Variants in TAF4 observed in about 807,000 individuals in gnomAD.
TAF4 encodes the protein transcription initiation factor TFIID subunit 4.
In TAF4, 9 loss-of-function variants were observed where a neutral mutation model predicts 90.3. The observed-to-expected ratio is 0.10, with a 90% CI of 0.06 to 0.17. The LOEUF (loss-of-function observed/expected upper bound fraction) is 0.17. Ranked by LOEUF, TAF4 falls within the 10% of genes least tolerant of loss-of-function variation. The probability of loss-of-function intolerance (pLI) is 1.00; values close to 1 mark genes in which losing one functional copy is unlikely to be tolerated. For synonymous variants in TAF4, 818 were observed against 638.9 expected, an observed-to-expected ratio of 1.28 and a Z score of -4.23; for missense variants, 1,351 against 1,370.7, an observed-to-expected ratio of 0.99 and a Z score of 0.23.
At chr20:62,021,993 G>A (rs564463628) in intron 1 of TAF4, among the ~76,000 whole-genome samples, 16 of 152,246 alleles carry the variant, frequency 1.1e-4, no homozygotes, top group South Asian at 4.1e-4. Context: ...AGCGGCCAGC[G>A]GCGGACAGCA....
At chr20:62,041,164 G>T (rs924627206) in intron 1 of TAF4, among the ~76,000 whole-genome samples, 1 of 152,216 alleles carries the variant, frequency 6.6e-6, no homozygotes, top group Non-Finnish European at 1.5e-5. Context: ...TTCCCGTCCA[G>T]GGCTGTGGGC....
At position 61,976,150 on chromosome 20, in the gene TAF4, C is replaced by A. The variant is rs747521909; in HGVS notation, c.*18G>T. The A allele has an allele frequency of 4.3e-6, 7 of 1,611,778 alleles. No homozygotes were observed. In the African/African-American group the frequency reaches 9.3e-5, roughly 22 times the overall value. On this transcript the variant is annotated 3_prime_UTR_variant, in exon 15 of 15. Coordinates refer to ENST00000252996, the MANE Select transcript of TAF4 (RefSeq NM_003185.4). ...GTAATCTGCAAATATATAAAAAGTCCCCAGGCGTCCTCCTGTGTCACTTAA... is the reference window on the plus strand; with the variant it reads ...GTAATCTGCAAATATATAAAAAGTCACCAGGCGTCCTCCTGTGTCACTTAA...
chr20:62,064,853 C>G lies in TAF4; in HGVS notation c.958G>C (p.Gly320Arg), dbSNP rs560652437. The change falls in exon 1 of 15, where the codon GGG (glycine) becomes CGG (arginine). Residue 320 changes from glycine (G) to arginine (R), a missense_variant. Transcript: ENST00000252996. ...TGGCCGCTGACCCCCGCGGGGCCCCCGGCGGCCGGGGCGGGGGCGGGGGCT... is the reference window on the plus strand; with the variant it reads ...TGGCCGCTGACCCCCGCGGGGCCCCGGGCGGCCGGGGCGGGGGCGGGGGCT... ...GAAPAPAPAAGGPAGVSGQPG... is the reference protein window; with the variant it reads ...GAAPAPAPAARGPAGVSGQPG... 3 of 954,928 alleles carry G rather than the reference C, an allele frequency of 3.1e-6. No homozygotes were observed. Among genetic ancestry groups the G allele is most frequent in the African/African-American group, 1.8e-5 (1 of 54,232 alleles). 59.2% of individuals were successfully genotyped at this position (954,928 alleles called of 1,614,324 possible).
chr20:62,048,357 A>G (rs924515814), intron 1 of TAF4, among the ~76,000 whole-genome samples: 1 of 152,158 alleles, frequency 6.6e-6, no homozygotes, highest in African/African-American at 2.4e-5. Flanking sequence ...TCAGCTGGGC[A>G]TCCCGAGTGC....
intron 14 of TAF4, among the ~76,000 whole-genome samples, chr20:61,984,582 G>A (rs2055571187): frequency 6.6e-6 from 1 of 152,166 alleles, no homozygotes; most frequent in Non-Finnish European, 1.5e-5. Context: ...GTGACACGAG[G>A]GCAGTGCCCG....
rs11696289 is a variant in TAF4 at position 61,984,604 on chromosome 20, C to T, written c.3091-8269G>A. On this transcript the variant is annotated intron_variant, in intron 14 of 14. Transcript: ENST00000252996. ...GAGGGCAGTGCCCGGGACATCAGCACGATGAAGTGCCACCCAGCTGGGAAA... is the reference window on the plus strand; with the variant it reads ...GAGGGCAGTGCCCGGGACATCAGCATGATGAAGTGCCACCCAGCTGGGAAA... Among the ~76,000 whole-genome samples the T allele has an allele frequency of 9.1e-5, 4 of 44,048 alleles. No individual in the cohort carries two copies. The South Asian group carries it at 2.5e-3, about 27-fold the overall frequency. 28.9% of individuals were successfully genotyped at this position (44,048 alleles called of 152,430 possible).
chr20:62,056,965 C>G (rs2056068171), intron 1 of TAF4, among the ~76,000 whole-genome samples: 1 of 152,206 alleles, frequency 6.6e-6, no homozygotes, highest in Non-Finnish European at 1.5e-5. Context: ...TGCAAAGCTC[C>G]AAAGCAAGGC....
At position 62,010,298 on chromosome 20, in the gene TAF4, C is replaced by T. The variant is rs529203069; in HGVS notation, c.1642-133G>A. 48 of 1,339,554 alleles carry T rather than the reference C, an allele frequency of 3.6e-5. No individual in the cohort carries two copies. The East Asian group carries it at 6.8e-4, about 19-fold the overall frequency. 83.0% of individuals were successfully genotyped at this position (1,339,554 alleles called of 1,614,324 possible). ...AGGACGCCCAGGAAGCCAAGGACCCCGGCCACCTGCCAGCCCGCTGGACAC... is the reference window on the plus strand; with the variant it reads ...AGGACGCCCAGGAAGCCAAGGACCCTGGCCACCTGCCAGCCCGCTGGACAC... On this transcript the variant is annotated intron_variant, in intron 3 of 14. Coordinates refer to ENST00000252996, the MANE Select transcript of TAF4 (RefSeq NM_003185.4). This position sits in a 1 kb window ranked among gnomAD's most constrained non-coding sequence, Gnocchi z 4.5.
chr20:62,057,363 G>C (rs1343627233), intron 1 of TAF4, among the ~76,000 whole-genome samples: 2 of 152,194 alleles, frequency 1.3e-5, no homozygotes, highest in Non-Finnish European at 2.9e-5. Flanking sequence ...CAATTCCCTT[G>C]GGAGCCACAG....
intron 14 of TAF4, among the ~76,000 whole-genome samples, chr20:61,978,010 G>C (rs952067771): frequency 6.6e-6 from 1 of 152,182 alleles, no homozygotes; most frequent in Non-Finnish European, 1.5e-5. Flanking sequence ...ATATTCTAAC[G>C]CAAGTGTCAG....
chr20:62,028,326 T>G (rs571603908), intron 1 of TAF4, among the ~76,000 whole-genome samples: 1 of 152,336 alleles, frequency 6.6e-6, no homozygotes, highest in South Asian at 2.1e-4. Flanking sequence ...GGCTGAGGTA[T>G]TTTGGTAAAA....
chr20:62,016,607 C>T (rs529258714), intron 1 of TAF4, among the ~76,000 whole-genome samples: 19 of 152,326 alleles, frequency 1.2e-4, no homozygotes, highest in African/African-American at 3.1e-4. Context: ...GCTGCACTGT[C>T]GGCTTCCCTA....
chr20:62,012,896 T>C lies in TAF4; in HGVS notation c.1560A>G (p.Pro520=), dbSNP rs2055787812. The C allele has an allele frequency of 2.5e-6, 4 of 1,613,950 alleles. No individual in the cohort carries two copies. Among genetic ancestry groups the C allele is most frequent in the Non-Finnish European group, 2.5e-6 (3 of 1,180,008 alleles). Residue 520 remains proline (P), a synonymous_variant, in exon 3 of 15, where the codon CCA becomes CCG. Transcript: ENST00000252996. ...GTPIIARQVT[P]TTIIKQVSQA... Reference sequence around the variant, plus strand: ...GAGACACTTGCTTAATTATGGTAGTTGGGGTCACCTGCCGTGCAATGATAG... The same window carrying C: ...GAGACACTTGCTTAATTATGGTAGTCGGGGTCACCTGCCGTGCAATGATAG...
At chr20:62,030,353 C>T (rs547443986) in intron 1 of TAF4, among the ~76,000 whole-genome samples, 4 of 152,344 alleles carry the variant, frequency 2.6e-5, no homozygotes, top group Admixed American at 6.5e-5. Context: ...GACACCACAG[C>T]CTTTTCATGC....
chr20:62,041,971 T>C (rs894810813), intron 1 of TAF4, among the ~76,000 whole-genome samples: 2 of 151,430 alleles, frequency 1.3e-5, no homozygotes, highest in Admixed American at 6.6e-5. Context: ...TACTGGCTAA[T>C]GATACAGACA....
chr20:62,015,741 C>T (rs28382040), intron 1 of TAF4, among the ~76,000 whole-genome samples: 14,991 of 152,210 alleles, frequency 0.098, 1,194 homozygotes, highest in East Asian at 0.44. Context: ...TGAAAACCTC[C>T]TGTTGGTCAT....
intron 1 of TAF4, among the ~76,000 whole-genome samples, chr20:62,030,389 G>A (rs201234976): frequency 3.3e-5 from 5 of 152,122 alleles, no homozygotes; most frequent in East Asian, 1.9e-4. Context: ...ATTTAGATTC[G>A]CTTTCATGCG....
chr20:61,998,411 A>T (rs746295451), intron 12 of TAF4, among the ~76,000 whole-genome samples: 1 of 152,232 alleles, frequency 6.6e-6, no homozygotes, highest in East Asian at 1.9e-4. Flanking sequence ...TGGATGTAAG[A>T]TACAGTCTTT....
In TAF4 at chr20:62,064,439, G is replaced by A. The variant is rs1191766541; in HGVS notation, c.1360+12C>T. Reference sequence around the variant, plus strand: ...GAGCCGCCCTTCCCTCCCGCCCCGTGCGGCCACTCACCTGGGGGCAGCTGG... The same window carrying A: ...GAGCCGCCCTTCCCTCCCGCCCCGTACGGCCACTCACCTGGGGGCAGCTGG... On this transcript the variant is annotated intron_variant, in intron 1 of 14. Coordinates refer to ENST00000252996, the MANE Select transcript of TAF4 (RefSeq NM_003185.4). 1 of 1,375,032 alleles carries A rather than the reference G, an allele frequency of 7.3e-7. No individual in the cohort carries two copies. The highest frequency in any genetic ancestry group is 9.5e-7 in the Non-Finnish European group (1 of 1,056,292). The allele number at this position is 1,375,032 out of a possible 1,614,324, so 85.2% of individuals were successfully genotyped here.
Sources: allele counts gnomAD v4.1 joint callset (sites outside exome capture counted in the v4.1 genomes callset), GRCh38; gene constraint gnomAD v4.1.1; non-coding constraint Gnocchi (gnomAD v3.1); transcripts MANE v1.5; gene names NCBI Gene and HGNC (gene_info 2026-07-23, HGNC 2026-07-21).